The following GABRR2 variants were observed in gnomAD, a reference collection of about 807,000 sequenced individuals.
GABRR2 encodes gamma-aminobutyric acid receptor subunit rho-2.
GABRR2 carries 36 observed loss-of-function variants against 47.0 expected under a neutral mutation model. The ratio of observed to expected loss-of-function variants is 0.77; its 90% CI spans 0.59 to 1.01. GABRR2 has a LOEUF of 1.01. Among genes scored for constraint, GABRR2 ranks in the 50% least tolerant of loss-of-function variants. The probability of loss-of-function intolerance (pLI) is 0.00; values close to 1 mark genes in which losing one functional copy is unlikely to be tolerated. For missense variants in GABRR2, 587 were observed against 594.6 expected, an observed-to-expected ratio of 0.99 and a Z score of 0.13; for synonymous variants, 204 against 227.5, an observed-to-expected ratio of 0.90 and a Z score of 0.93.
intron 2 of GABRR2, among the ~76,000 whole-genome samples, chr6:89,298,126 C>T (rs943916409): frequency 6.6e-6 from 1 of 152,196 alleles, no homozygotes; most frequent in Non-Finnish European, 1.5e-5. Context: ...CTCTTCTTGA[C>T]CTTCCGTGGG....
Position 89,268,106 on chromosome 6 carries a change from C to T in GABRR2, c.513-10G>A. Reference sequence around the variant, plus strand: ...GGCAGTGACCGTAATCCTAGACAACCCAGAGTCACATATTGGCTTGTGCGG... The same window carrying T: ...GGCAGTGACCGTAATCCTAGACAACTCAGAGTCACATATTGGCTTGTGCGG... On this transcript the variant is annotated splice_polypyrimidine_tract_variant and intron_variant, in intron 4 of 8. Transcript: ENST00000402938. The T allele has an allele frequency of 2.5e-6, 4 of 1,601,488 alleles. No homozygotes were observed. The highest frequency in any genetic ancestry group is 3.4e-6 in the Non-Finnish European group (4 of 1,173,124).
chr6:89,254,912 G>A lies in GABRR2; in HGVS notation c.*2758C>T, dbSNP rs1463580687. On this transcript the variant is annotated 3_prime_UTR_variant, in exon 9 of 9. Coordinates refer to ENST00000402938, the MANE Select transcript of GABRR2 (RefSeq NM_002043.5). The stretch of plus-strand genomic sequence containing the variant: ...ACTGTTTATGATTCTAAATATGTCT[G>A]CTATAGAATTAACTCCAGTTTAACA... Among the ~76,000 whole-genome samples the A allele has an allele frequency of 6.6e-6, 1 of 152,120 alleles. No individual in the cohort carries two copies. The highest frequency in any genetic ancestry group is 2.4e-5 in the African/African-American group (1 of 41,406).
chr6:89,289,556 C>T (rs1272181412), intron 2 of GABRR2, among the ~76,000 whole-genome samples: 1 of 152,076 alleles, frequency 6.6e-6, no homozygotes, highest in African/African-American at 2.4e-5. Context: ...AGCTAGGATT[C>T]CTTCACCCTC....
chr6:89,312,840 T>C lies in GABRR2; in HGVS notation c.113+2213A>G, dbSNP rs1023754170. Among the ~76,000 whole-genome samples, 41 of 152,296 alleles carry C rather than the reference T, an allele frequency of 2.7e-4. 1 individual carries two copies. Among genetic ancestry groups the C allele is most frequent in the African/African-American group, 9.4e-4 (39 of 41,570 alleles). On this transcript the variant is annotated intron_variant, in intron 1 of 8. Coordinates refer to ENST00000402938, the MANE Select transcript of GABRR2 (RefSeq NM_002043.5). ...TAATAAATATTTTACTTCCTTGAAA[T>C]GTATGTGTTCATCTTTTCCCACTTT...
intron 1 of GABRR2, among the ~76,000 whole-genome samples, chr6:89,306,824 A>G (rs1767567222): frequency 1.3e-5 from 2 of 152,250 alleles, no homozygotes; most frequent in Admixed American, 1.3e-4. Flanking sequence ...AAAGAGAAAA[A>G]AAGAAAAAAG....
chr6:89,299,942 T>C (rs1193277681), intron 1 of GABRR2, 77 bp from the exon 2 acceptor site: 1 of 936,264 alleles, frequency 1.1e-6, no homozygotes, highest in Non-Finnish European at 1.7e-6. Context: ...TATTACTCCC[T>C]GCAAGATCTA....
At chr6:89,306,119 G>GTA (rs1231349961) in intron 1 of GABRR2, among the ~76,000 whole-genome samples, 1 of 150,558 alleles carries the variant, frequency 6.6e-6, no homozygotes, top group Non-Finnish European at 1.5e-5. Context: ...GCTCACATCT[G>GTA]TATTCCTATC....
chr6:89,277,960 T>C (rs780900479), intron 2 of GABRR2, among the ~76,000 whole-genome samples: 1 of 152,088 alleles, frequency 6.6e-6, no homozygotes, highest in Non-Finnish European at 1.5e-5. Flanking sequence ...ACCCAGGGAC[T>C]CTACTTCGAG....
rs940171524 is a variant in GABRR2 at position 89,303,972 on chromosome 6, T to C, written c.114-4107A>G. ...TATCAACTCAAGATGGATTAAATACTGAAGTATAAAACTCAAAACTATAAA... is the reference window on the plus strand; with the variant it reads ...TATCAACTCAAGATGGATTAAATACCGAAGTATAAAACTCAAAACTATAAA... On this transcript the variant is annotated intron_variant, in intron 1 of 8. Transcript: ENST00000402938. Among the ~76,000 whole-genome samples, 8 of 152,330 alleles carry C rather than the reference T, an allele frequency of 5.3e-5. 1 individual carries two copies. Among genetic ancestry groups the C allele is most frequent in the Admixed American group, 4.6e-4 (7 of 15,296 alleles).
chr6:89,264,211 C>T (rs1169326258), intron 8 of GABRR2, among the ~76,000 whole-genome samples: 1 of 152,176 alleles, frequency 6.6e-6, no homozygotes, highest in Non-Finnish European at 1.5e-5. Context: ...CTTCCAGTTC[C>T]TAGTCTTTGT....
At chr6:89,308,493 A>G (rs1195300024) in intron 1 of GABRR2, among the ~76,000 whole-genome samples, 1 of 152,196 alleles carries the variant, frequency 6.6e-6, no homozygotes, top group Non-Finnish European at 1.5e-5. Flanking sequence ...AAAATTAAAT[A>G]AATAAATAAC....
At chr6:89,280,251 T>TATATATATATATAC (rs1554197261) in intron 2 of GABRR2, among the ~76,000 whole-genome samples, 1 of 102,986 alleles carries the variant, frequency 9.7e-6, no homozygotes, top group African/African-American at 3.4e-5. Context: ...TATATATATA[T>TATATATATATATAC]ATACATACAT....
intron 2 of GABRR2, among the ~76,000 whole-genome samples, chr6:89,273,920 A>G (rs1384525321): frequency 6.6e-6 from 1 of 152,222 alleles, no homozygotes; most frequent in African/African-American, 2.4e-5. Context: ...TGCTGGATAC[A>G]GCAGTCCCAA....
intron 6 of GABRR2, 62 bp from the exon 7 acceptor site, chr6:89,265,827 C>G (rs41311294): frequency 6.5e-7 from 1 of 1,548,908 alleles, no homozygotes; most frequent in Non-Finnish European, 8.8e-7. Context: ...AACTGTGTCC[C>G]TGGGAACCCG....
At chr6:89,312,747 G>A (rs1050866503) in intron 1 of GABRR2, among the ~76,000 whole-genome samples, 5 of 152,252 alleles carry the variant, frequency 3.3e-5, no homozygotes, top group African/African-American at 1.2e-4. Flanking sequence ...GTCTGACTGT[G>A]TGTGCATTCT....
chr6:89,294,595 G>T (rs554428099), intron 2 of GABRR2, among the ~76,000 whole-genome samples: 9 of 151,966 alleles, frequency 5.9e-5, no homozygotes, highest in Non-Finnish European at 1.2e-4. Context: ...CTACTGGAAG[G>T]GGGTGTTAGG....
chr6:89,297,124 G>A (rs1481732982), intron 2 of GABRR2, among the ~76,000 whole-genome samples: 1 of 152,106 alleles, frequency 6.6e-6, no homozygotes, highest in African/African-American at 2.4e-5. Flanking sequence ...AGGACCCTGG[G>A]CACTTTTGCT....
chr6:89,271,873 C>T (rs912291430), intron 2 of GABRR2, among the ~76,000 whole-genome samples, 151 bp from the exon 3 acceptor site: 3 of 152,222 alleles, frequency 2.0e-5, no homozygotes, highest in South Asian at 2.1e-4. Flanking sequence ...TGGTTCCTGA[C>T]CTGTTGGGTG....
At chr6:89,284,954 C>G (rs568888858) in intron 2 of GABRR2, among the ~76,000 whole-genome samples, 1 of 152,310 alleles carries the variant, frequency 6.6e-6, no homozygotes, top group African/African-American at 2.4e-5. Flanking sequence ...TGGACTACCT[C>G]AGCGTAACAT....
Sources: allele counts gnomAD v4.1 joint callset (sites outside exome capture counted in the v4.1 genomes callset), GRCh38; gene constraint gnomAD v4.1.1; transcripts MANE v1.5; gene names NCBI Gene and HGNC (gene_info 2026-07-23, HGNC 2026-07-21).